CNST: variants seen among roughly 807,000 people sequenced by gnomAD.
CNST encodes consortin, connexin sorting protein, also known as consortin.
In CNST, 39 loss-of-function variants were observed where a neutral mutation model predicts 72.4. That is an observed-to-expected ratio of 0.54 (90% CI 0.42 to 0.70). CNST has a LOEUF of 0.70. CNST is among the 30% of genes least tolerant of loss of function. The pLI, the probability that CNST is intolerant of heterozygous loss-of-function variation, is 0.00. For synonymous variants in CNST, 332 were observed against 320.1 expected (o/e 1.04, Z -0.40); for missense variants, 871 against 868.5 (o/e 1.00, Z -0.04).
chr1:246,577,490 C>G (rs950233569), intron 1 of CNST, among the ~76,000 whole-genome samples: 1 of 152,068 alleles, frequency 6.6e-6, no homozygotes, highest in Non-Finnish European at 1.5e-5. Context: ...TACTGTTGTT[C>G]AGACTTTACC....
At position 246,655,817 on chromosome 1, in the gene CNST, C is replaced by T. The variant is rs567264869; in HGVS notation, c.1837-4382C>T. On this transcript the variant is annotated intron_variant, in intron 9 of 10. Transcript: ENST00000366513. The stretch of plus-strand genomic sequence containing the variant: ...TCAAGCCCTTGAAGCTTGGCCTCTT[C>T]GTCTGCAAAATGGGGCTGATAAGGC... Among the ~76,000 whole-genome samples the T allele has an allele frequency of 2.6e-5, 4 of 152,246 alleles. No individual in the cohort carries two copies. The East Asian group carries it at 5.8e-4, about 22-fold the overall frequency.
intron 2 of CNST, among the ~76,000 whole-genome samples, chr1:246,602,967 A>C (rs1456080965): frequency 6.6e-6 from 1 of 152,150 alleles, no homozygotes; most frequent in Non-Finnish European, 1.5e-5. Flanking sequence ...GTGAAAAAGA[A>C]AAGAATTACA....
chr1:246,658,801 CA>C (rs1666905712), intron 9 of CNST, among the ~76,000 whole-genome samples: 1 of 152,196 alleles, frequency 6.6e-6, no homozygotes, highest in Non-Finnish European at 1.5e-5. Flanking sequence ...CTGCCTGTGT[CA>C]TCACCTACAG....
chr1:246,619,365 A>G (rs1284944206), intron 2 of CNST, among the ~76,000 whole-genome samples: 1 of 152,210 alleles, frequency 6.6e-6, no homozygotes, highest in Non-Finnish European at 1.5e-5. Context: ...AGCAACATAA[A>G]GTGTCTAGAA....
At chr1:246,593,091 A>T (rs1661653459) in intron 2 of CNST, among the ~76,000 whole-genome samples, 1 of 152,184 alleles carries the variant, frequency 6.6e-6, no homozygotes, top group South Asian at 2.1e-4. Context: ...AATTAGAAAT[A>T]TATCTGTCTA....
chr1:246,609,564 C>T (rs1016627909), intron 2 of CNST, among the ~76,000 whole-genome samples: 1 of 152,076 alleles, frequency 6.6e-6, no homozygotes, highest in Non-Finnish European at 1.5e-5. Context: ...GCAACAAGAA[C>T]GGAACTCTGT....
In CNST at chr1:246,591,619, T is replaced by C; in HGVS notation, c.57T>C (p.Cys19=). The C allele has an allele frequency of 6.2e-7, 1 of 1,614,206 alleles. No homozygotes were observed. The highest frequency in any genetic ancestry group is 1.3e-5 in the African/African-American group (1 of 75,064). Residue 19 remains cysteine, a synonymous_variant, in exon 2 of 11, where the codon TGT becomes TGC. Coordinates refer to ENST00000366513, the MANE Select transcript of CNST (RefSeq NM_152609.3). ...TGCAAATAGAACCACAAGATGGATG[T>C]CATCCTGGTGACAGCGTGGAAAGGA... The part of the protein sequence containing the change: ...YYLQIEPQDG[C]HPGDSVERSV...
At chr1:246,582,859 G>A in intron 1 of CNST, among the ~76,000 whole-genome samples, 1 of 152,198 alleles carries the variant, frequency 6.6e-6, no homozygotes, top group East Asian at 1.9e-4. Context: ...CTTGTCCAGT[G>A]TTATCTGCTA....
Position 246,647,647 on chromosome 1 carries a change from T to G in CNST, c.1446T>G (p.Asn482Lys), listed in dbSNP as rs141284187. 4.3e-6 allele frequency: 7 copies of G among 1,614,172 alleles called. No homozygotes were observed. In the East Asian group the frequency reaches 1.3e-4, roughly 31 times the overall value. Reference sequence around the variant, plus strand: ...ACCAACTTGAGAACAATGAATTAAATGAGCTGCAGCAGCCTGATCTTACAG... The same window carrying G: ...ACCAACTTGAGAACAATGAATTAAAGGAGCTGCAGCAGCCTGATCTTACAG... The part of the protein sequence containing the change: ...PTDQLENNEL[N>K]ELQQPDLTDS... Residue 482 changes from asparagine (N) to lysine (K), a missense_variant, in exon 9 of 11, where the codon AAT (asparagine) becomes AAG (lysine). Transcript: ENST00000366513.
chr1:246,572,245 A>G (rs189177174), intron 1 of CNST, among the ~76,000 whole-genome samples: 72 of 152,356 alleles, frequency 4.7e-4, no homozygotes, highest in African/African-American at 1.6e-3. Flanking sequence ...TCTCAAAAAT[A>G]CATACATAAA....
chr1:246,605,757 CCGGCCGGGG>C, intron 2 of CNST: 1 of 121,520 alleles, frequency 8.2e-6, no homozygotes, highest in Non-Finnish European at 1.8e-5. Flanking sequence ...TGCGTGTCTT[CCGGCCGGGG>C]TAGGTGTCTT....
chr1:246,633,747 A>G (rs545073199), intron 4 of CNST, among the ~76,000 whole-genome samples, 177 bp from the exon 5 acceptor site: 1 of 138,242 alleles, frequency 7.2e-6, no homozygotes, highest in South Asian at 2.2e-4. Flanking sequence ...CATCTCAAGG[A>G]AAAAAAAAAA....
At chr1:246,591,435 G>A (rs1661535145) in intron 1 of CNST, 77 bp from the exon 2 acceptor site, 1 of 1,045,212 alleles carries the variant, frequency 9.6e-7, no homozygotes, top group East Asian at 2.4e-5. Flanking sequence ...CAACCTAAGA[G>A]AAGGGGAAAA....
intron 2 of CNST, among the ~76,000 whole-genome samples, chr1:246,610,718 A>G (rs1278531120): frequency 1.3e-5 from 2 of 152,040 alleles, no homozygotes; most frequent in African/African-American, 4.8e-5. Context: ...CAGGTCATCT[A>G]TAATTCTGCC....
chr1:246,595,311 C>G (rs1323073472), intron 2 of CNST, among the ~76,000 whole-genome samples: 1 of 152,182 alleles, frequency 6.6e-6, no homozygotes, highest in Non-Finnish European at 1.5e-5. Context: ...ACCCTAAGAA[C>G]TTGCTTCAGC....
chr1:246,609,842 A>G (rs1040357132), intron 2 of CNST, among the ~76,000 whole-genome samples: 3 of 152,238 alleles, frequency 2.0e-5, no homozygotes, highest in Non-Finnish European at 4.4e-5. Flanking sequence ...AGAACTGAAG[A>G]CATTTTTTTC....
At chr1:246,571,998 T>C (rs561795444) in intron 1 of CNST, among the ~76,000 whole-genome samples, 1 of 152,350 alleles carries the variant, frequency 6.6e-6, no homozygotes, top group Non-Finnish European at 1.5e-5. Context: ...CTTAGCTGCA[T>C]TTTGAAAACT....
intron 2 of CNST, among the ~76,000 whole-genome samples, chr1:246,615,400 C>T (rs1454470323): frequency 6.6e-6 from 1 of 151,850 alleles, no homozygotes; most frequent in Non-Finnish European, 1.5e-5. Flanking sequence ...TGGTCTCGAT[C>T]TCCTGACCTC....
At chr1:246,635,707 C>G (rs1470869422) in intron 6 of CNST, among the ~76,000 whole-genome samples, 1 of 152,162 alleles carries the variant, frequency 6.6e-6, no homozygotes, top group African/African-American at 2.4e-5. Flanking sequence ...GTGATTATCT[C>G]TAGAGCAGCC....
Sources: allele counts gnomAD v4.1 joint callset (sites outside exome capture counted in the v4.1 genomes callset), GRCh38; gene constraint gnomAD v4.1.1; transcripts MANE v1.5; gene names NCBI Gene and HGNC (gene_info 2026-07-23, HGNC 2026-07-21).